CBLB: variants seen among roughly 807,000 people sequenced by gnomAD.
CBLB encodes E3 ubiquitin-protein ligase CBL-B.
Under a neutral mutation model 104.9 loss-of-function variants are expected in CBLB, and 31 were observed. The observed-to-expected ratio is 0.30, with a 90% CI of 0.22 to 0.40. The LOEUF (loss-of-function observed/expected upper bound fraction) is 0.40. CBLB is among the 10% of genes least tolerant of loss of function. The probability of loss-of-function intolerance (pLI) is 1.00; values close to 1 mark genes in which losing one functional copy is unlikely to be tolerated. For missense variants in CBLB, 1,062 were observed against 1,214.6 expected, an observed-to-expected ratio of 0.87 and a Z score of 1.87; for synonymous variants, 440 against 422.6, an observed-to-expected ratio of 1.04 and a Z score of -0.51.
At chr3:105,783,077 C>T (rs986113935) in intron 3 of CBLB, among the ~76,000 whole-genome samples, 4 of 152,132 alleles carry the variant, frequency 2.6e-5, no homozygotes, top group African/African-American at 9.7e-5. Context: ...TGAGAAGCTT[C>T]CACAAGATAT....
intron 12 of CBLB, among the ~76,000 whole-genome samples, chr3:105,697,961 A>C (rs1481759863): frequency 2.7e-5 from 4 of 150,254 alleles, no homozygotes; most frequent in Non-Finnish European, 4.4e-5. Flanking sequence ...CAAACCACCA[A>C]CAACAATAAA....
intron 18 of CBLB, 85 bp from the exon 19 acceptor site, chr3:105,659,314 C>T (rs2063556909): frequency 7.7e-7 from 1 of 1,306,694 alleles, no homozygotes; most frequent in Admixed American, 1.8e-5. Context: ...ATCTCATTTC[C>T]TATGGAAATA....
intron 4 of CBLB, among the ~76,000 whole-genome samples, chr3:105,766,210 T>C (rs1246716328): frequency 6.6e-6 from 1 of 152,126 alleles, no homozygotes; most frequent in East Asian, 1.9e-4. Flanking sequence ...CTCATAAAAT[T>C]TGAACAGACG....
chr3:105,801,500 A>C (rs961071415), intron 3 of CBLB, among the ~76,000 whole-genome samples: 1 of 152,258 alleles, frequency 6.6e-6, no homozygotes, highest in African/African-American at 2.4e-5. Flanking sequence ...TTAAGTAAGC[A>C]TTAACCATTA....
chr3:105,724,736 C>T lies in CBLB; in HGVS notation c.1204-4486G>A, dbSNP rs181761547. 4.5e-4 allele frequency among the ~76,000 whole-genome samples: 69 copies of T among 152,202 alleles called. 1 individual carries two copies. Among genetic ancestry groups the T allele is most frequent in the African/African-American group, 1.6e-3 (68 of 41,546 alleles). ...ATCAATGTGCATAGATTAATCATAA[C>T]TGGAAATATGAGATATCTCCTAAGC... On this transcript the variant is annotated intron_variant, in intron 9 of 18. Transcript: ENST00000394030.
chr3:105,781,045 T>C (rs907544994), intron 3 of CBLB, among the ~76,000 whole-genome samples: 39 of 152,034 alleles, frequency 2.6e-4, no homozygotes, highest in Admixed American at 2.4e-3. Flanking sequence ...CTGCCAAAGA[T>C]GTTAACATTA....
At position 105,832,757 on chromosome 3, in the gene CBLB, A is replaced by C. The variant is rs77577049; in HGVS notation, c.419+20657T>G. Among the ~76,000 whole-genome samples, 975 of 152,342 alleles carry C rather than the reference A, an allele frequency of 6.4e-3. 30 individuals are homozygous for C. Among genetic ancestry groups the C allele is most frequent in the East Asian group, 0.055 (285 of 5,192 alleles). ...ATAGGATGTAGCTCAAGATGAGTGC[A>C]TTATCTATCCTTCATTCCTTCAATC... On this transcript the variant is annotated intron_variant, in intron 3 of 18. Transcript: ENST00000394030.
At chr3:105,816,501 T>A (rs1392684393) in intron 3 of CBLB, among the ~76,000 whole-genome samples, 1 of 152,162 alleles carries the variant, frequency 6.6e-6, no homozygotes, top group East Asian at 1.9e-4. Flanking sequence ...TTAACAGAAC[T>A]CTCATAAATA....
chr3:105,828,577 A>G (rs1299779570), intron 3 of CBLB, among the ~76,000 whole-genome samples: 1 of 152,216 alleles, frequency 6.6e-6, no homozygotes, highest in Non-Finnish European at 1.5e-5. Context: ...AACTAACAAA[A>G]TAAGTATCTT....
rs1289179800 is a variant in CBLB at position 105,751,626 on chromosome 3, A to G, written c.567-8T>C. The G allele has an allele frequency of 6.2e-7, 1 of 1,611,938 alleles. No individual in the cohort carries two copies. Among genetic ancestry groups the G allele is most frequent in the Non-Finnish European group, 8.5e-7 (1 of 1,178,196 alleles). The stretch of plus-strand genomic sequence containing the variant: ...TTCCATGGTACGATAGTTCTGTGCA[A>G]GGTGGAAAAAAAGGGAAATAATTGA... On this transcript the variant is annotated splice_region_variant and splice_polypyrimidine_tract_variant and intron_variant, in intron 4 of 18. Coordinates refer to ENST00000394030, the MANE Select transcript of CBLB (RefSeq NM_170662.5).
intron 2 of CBLB, 75 bp downstream of exon 2, chr3:105,867,335 C>T: frequency 8.0e-7 from 1 of 1,252,184 alleles, no homozygotes; most frequent in East Asian, 2.3e-5. Context: ...TATTAATTAA[C>T]AGTATAAATA....
At chr3:105,693,651 G>A in intron 12 of CBLB, 63 bp from the exon 13 acceptor site, 1 of 1,031,510 alleles carries the variant, frequency 9.7e-7, no homozygotes, top group Admixed American at 1.8e-5. Context: ...TAAAGCCATA[G>A]CTGCTCTACC....
At chr3:105,847,091 T>C (rs1424243403) in intron 3 of CBLB, among the ~76,000 whole-genome samples, 2 of 152,072 alleles carry the variant, frequency 1.3e-5, no homozygotes, top group Non-Finnish European at 2.9e-5. Context: ...CTGTTGCTTT[T>C]GATTCAACTT....
At chr3:105,705,650 T>C (rs1384489617) in intron 10 of CBLB, among the ~76,000 whole-genome samples, 1 of 152,208 alleles carries the variant, frequency 6.6e-6, no homozygotes, top group East Asian at 1.9e-4. Flanking sequence ...CAAGGATCCA[T>C]GCTATCAACA....
chr3:105,835,062 C>G (rs1056469966), intron 3 of CBLB, among the ~76,000 whole-genome samples: 4 of 152,166 alleles, frequency 2.6e-5, no homozygotes, highest in African/African-American at 9.7e-5. Context: ...TTAGCATCAG[C>G]CATTTTTCAA....
chr3:105,852,943 C>A (rs963946406), intron 3 of CBLB, among the ~76,000 whole-genome samples: 3 of 152,116 alleles, frequency 2.0e-5, no homozygotes, highest in African/African-American at 4.8e-5. Context: ...TCTCGAACTC[C>A]CGACCTCAAG....
At chr3:105,714,906 T>G (rs1447197608) in intron 10 of CBLB, among the ~76,000 whole-genome samples, 1 of 152,248 alleles carries the variant, frequency 6.6e-6, no homozygotes, top group East Asian at 1.9e-4. Flanking sequence ...ATACCCATTT[T>G]TGTTCTAATG....
At chr3:105,763,264 G>A (rs1395545151) in intron 4 of CBLB, among the ~76,000 whole-genome samples, 3 of 152,102 alleles carry the variant, frequency 2.0e-5, no homozygotes, top group Non-Finnish European at 2.9e-5. Context: ...AGTTAATGCT[G>A]GAATGAGTTA....
At chr3:105,756,907 G>A (rs1445799103) in intron 4 of CBLB, among the ~76,000 whole-genome samples, 2 of 152,126 alleles carry the variant, frequency 1.3e-5, no homozygotes, top group East Asian at 1.9e-4. Context: ...CCAATGAATG[G>A]TTTAGCACCA....
Sources: gnomAD v4.1 joint callset for allele counts (sites outside exome capture counted in the v4.1 genomes callset) on GRCh38, gnomAD v4.1.1 for gene constraint, MANE v1.5 for transcripts, NCBI Gene and HGNC (gene_info 2026-07-23, HGNC 2026-07-21) for gene names.